The following SAMD12 variants were observed in gnomAD, a reference collection of about 807,000 sequenced individuals.
The protein encoded by SAMD12 is sterile alpha motif domain-containing protein 12.
A neutral mutation model predicts 15.0 loss-of-function variants in SAMD12; 9 were observed. The observed-to-expected ratio is 0.60, with a 90% CI of 0.36 to 1.05. SAMD12 has a LOEUF of 1.05. SAMD12 is among the 50% of genes least tolerant of loss of function. The pLI is 0.01. For synonymous variants in SAMD12, 86 were observed against 90.1 expected (o/e 0.96, Z 0.25); for missense variants, 230 against 234.2 (o/e 0.98, Z 0.12).
chr8:118,305,144 CAAAAAAAAAAAAAAAA>C (rs56200866), intron 4 of SAMD12, among the ~76,000 whole-genome samples: 57 of 48,888 alleles, frequency 1.2e-3, no homozygotes, highest in Admixed American at 2.1e-3. Context: ...GACTCCCTGT[CAAAAAAAAAAAAAAAA>C]AAAAAAAAAA....
chr8:118,321,144 A>AATATATATATATATATATATAT (rs4053452), intron 4 of SAMD12, among the ~76,000 whole-genome samples: 45 of 94,490 alleles, frequency 4.8e-4, no homozygotes, highest in South Asian at 1.2e-3. Flanking sequence ...ATAGATAATA[A>AATATATATATATATATATATAT]ATATATATAT....
chr8:118,508,060 CAT>C (rs984042867), intron 2 of SAMD12, among the ~76,000 whole-genome samples: 8 of 135,520 alleles, frequency 5.9e-5, no homozygotes, highest in African/African-American at 5.5e-5. Context: ...GTGGTGCCAT[CAT>C]AGCTCACTGC....
intron 2 of SAMD12, among the ~76,000 whole-genome samples, chr8:118,473,617 T>C (rs1823870599): frequency 6.6e-6 from 1 of 152,136 alleles, no homozygotes; most frequent in Admixed American, 6.6e-5. Flanking sequence ...GTGTTCTTTT[T>C]CCTCCAGCCT....
intron 4 of SAMD12, among the ~76,000 whole-genome samples, chr8:118,273,705 G>A (rs1813416761): frequency 6.6e-6 from 1 of 152,148 alleles, no homozygotes; most frequent in African/African-American, 2.4e-5. Flanking sequence ...CAGGGCGGAG[G>A]GGTTGATTCA....
At chr8:118,379,743 T>C (rs755861876) in intron 3 of SAMD12, 43 bp from the exon 4 acceptor site, 9 of 1,592,524 alleles carry the variant, frequency 5.7e-6, no homozygotes, top group Middle Eastern at 3.4e-4. Flanking sequence ...AATGAACTAC[T>C]TGCTGAAGAA....
chr8:118,384,881 A>T (rs986534667), intron 3 of SAMD12, among the ~76,000 whole-genome samples: 2 of 152,044 alleles, frequency 1.3e-5, no homozygotes, highest in African/African-American at 4.8e-5. Flanking sequence ...AATCAGAGGG[A>T]CCTCTTACAA....
intron 2 of SAMD12, among the ~76,000 whole-genome samples, chr8:118,543,155 C>T (rs1826031210): frequency 6.6e-6 from 1 of 152,102 alleles, no homozygotes; most frequent in Admixed American, 6.6e-5. Context: ...GGAAATCGAC[C>T]CTTGAAAGGT....
chr8:118,150,443 C>T, the SAMD12 span, among the ~76,000 whole-genome samples: 1 of 152,042 alleles, frequency 6.6e-6, no homozygotes, highest in African/African-American at 2.4e-5. Context: ...TGTAGTGGTA[C>T]AGTCACATCT....
At chr8:118,248,926 C>G (rs778413847) in intron 4 of SAMD12, among the ~76,000 whole-genome samples, 1 of 152,024 alleles carries the variant, frequency 6.6e-6, no homozygotes, top group Non-Finnish European at 1.5e-5. Context: ...CATAAACTAA[C>G]AGTTATTTCA....
At chr8:118,161,062 C>T in the SAMD12 span, among the ~76,000 whole-genome samples, 17 of 152,084 alleles carry the variant, frequency 1.1e-4, no homozygotes, top group South Asian at 1.0e-3. Context: ...TTTGTCCTTG[C>T]GATAGTTTGC....
chr8:118,492,677 A>G (rs1173929026), intron 2 of SAMD12, among the ~76,000 whole-genome samples: 2 of 152,104 alleles, frequency 1.3e-5, no homozygotes, highest in African/African-American at 2.4e-5. Flanking sequence ...AAGAAGAGAA[A>G]CATATTTCTT....
intron 2 of SAMD12, among the ~76,000 whole-genome samples, chr8:118,522,670 G>C (rs1193927221): frequency 6.6e-6 from 1 of 152,032 alleles, no homozygotes; most frequent in Non-Finnish European, 1.5e-5. Context: ...TTCCAGATTT[G>C]TTACACTGAG....
chr8:118,348,547 T>C (rs1424700068), intron 4 of SAMD12, among the ~76,000 whole-genome samples: 2 of 152,080 alleles, frequency 1.3e-5, no homozygotes, highest in African/African-American at 4.8e-5. Flanking sequence ...AATTTTTTTG[T>C]GTTTTTAGTA....
the SAMD12 span, among the ~76,000 whole-genome samples, chr8:118,135,726 A>G: frequency 5.4e-3 from 820 of 152,144 alleles, 2 homozygotes; most frequent in Non-Finnish European, 8.9e-3. Context: ...AACTTTTTGT[A>G]GAGACAGGGT....
chr8:118,199,799 A>C (rs1819662635), intron 4 of SAMD12, among the ~76,000 whole-genome samples: 1 of 152,178 alleles, frequency 6.6e-6, no homozygotes, highest in African/African-American at 2.4e-5. Context: ...GGACATGTAG[A>C]ATTATTCCCA....
chr8:118,295,719 G>A (rs1051187396), intron 4 of SAMD12: 2 of 149,952 alleles, frequency 1.3e-5, no homozygotes, highest in African/African-American at 4.9e-5. Context: ...GTGCAATCGT[G>A]GCTTACTGCA....
chr8:118,437,510 G>C (rs557264705), intron 3 of SAMD12, among the ~76,000 whole-genome samples: 1 of 152,232 alleles, frequency 6.6e-6, no homozygotes, highest in Admixed American at 6.5e-5. Context: ...TCAAGAAATG[G>C]TTAGCTTAGT....
At chr8:118,223,276 C>T (rs987538067) in intron 4 of SAMD12, among the ~76,000 whole-genome samples, 1 of 152,110 alleles carries the variant, frequency 6.6e-6, no homozygotes, top group Non-Finnish European at 1.5e-5. Flanking sequence ...CTTTCTTTTT[C>T]AGCTTTCATC....
intron 2 of SAMD12, among the ~76,000 whole-genome samples, chr8:118,489,421 G>A (rs1824377281): frequency 6.6e-6 from 1 of 152,270 alleles, no homozygotes; most frequent in Non-Finnish European, 1.5e-5. Context: ...CTGAGGTCAT[G>A]AAGTTATTCC....
Sources: gnomAD v4.1 joint callset for allele counts (sites outside exome capture counted in the v4.1 genomes callset) on GRCh38, gnomAD v4.1.1 for gene constraint, MANE v1.5 for transcripts, NCBI Gene and HGNC (gene_info 2026-07-23, HGNC 2026-07-21) for gene names.